CCDC85A: variants seen among roughly 807,000 people sequenced by gnomAD.
The protein encoded by CCDC85A is coiled-coil domain containing 85A.
A neutral mutation model predicts 50.2 loss-of-function variants in CCDC85A; 38 were observed. The ratio of observed to expected loss-of-function variants is 0.76; its 90% CI spans 0.58 to 0.99. The LOEUF (loss-of-function observed/expected upper bound fraction) is 0.99. Ranked by LOEUF, CCDC85A falls within the 50% of genes least tolerant of loss-of-function variation. The pLI is 0.00. For missense variants in CCDC85A, 820 were observed against 742.0 expected, an observed-to-expected ratio of 1.11 and a Z score of -1.22; for synonymous variants, 366 against 301.4, an observed-to-expected ratio of 1.21 and a Z score of -2.22.
chr2:56,371,739 C>T (rs1676083306), intron 3 of CCDC85A, among the ~76,000 whole-genome samples: 1 of 151,914 alleles, frequency 6.6e-6, no homozygotes, highest in Admixed American at 6.6e-5. Flanking sequence ...ATTTAGTTAA[C>T]TTATGAATAC....
intron 2 of CCDC85A, among the ~76,000 whole-genome samples, chr2:56,332,072 G>A (rs1283969454): frequency 6.6e-6 from 1 of 152,192 alleles, no homozygotes; most frequent in African/African-American, 2.4e-5. Flanking sequence ...GGGTGGGATG[G>A]GAGGTGGGGT....
At chr2:56,373,450 A>G (rs1443958970) in intron 4 of CCDC85A, among the ~76,000 whole-genome samples, 1 of 152,202 alleles carries the variant, frequency 6.6e-6, no homozygotes, top group East Asian at 1.9e-4. Context: ...AAACAATGGA[A>G]AATGGCTCAG....
At chr2:56,384,116 T>G in intron 5 of CCDC85A, 150 bp from the exon 6 acceptor site, 1 of 672,114 alleles carries the variant, frequency 1.5e-6, no homozygotes, top group Non-Finnish European at 2.5e-6. Context: ...TGTCATCACA[T>G]TTTATTTTGT....
intron 2 of CCDC85A, among the ~76,000 whole-genome samples, chr2:56,222,367 A>T (rs1258157377): frequency 6.6e-6 from 1 of 152,174 alleles, no homozygotes; most frequent in Non-Finnish European, 1.5e-5. Context: ...ATTAAAAATG[A>T]CTTCCAACTT....
At chr2:56,291,322 AGGCACTGTGCTG>A (rs1671694395) in intron 2 of CCDC85A, among the ~76,000 whole-genome samples, 1 of 152,330 alleles carries the variant, frequency 6.6e-6, no homozygotes, top group Admixed American at 6.5e-5. Context: ...ATTAGGAGAC[AGGCACTGTGCTG>A]GGCACTGGGG....
At chr2:56,194,552 A>C (rs1002260741) in intron 2 of CCDC85A, among the ~76,000 whole-genome samples, 5 of 152,232 alleles carry the variant, frequency 3.3e-5, no homozygotes, top group Admixed American at 6.5e-5. Context: ...CAGTTTTAGC[A>C]GTGACAAGAA....
intron 3 of CCDC85A, among the ~76,000 whole-genome samples, chr2:56,351,230 A>G (rs1369356190): frequency 6.6e-6 from 1 of 151,934 alleles, no homozygotes; most frequent in Non-Finnish European, 1.5e-5. Context: ...TATATGCCAC[A>G]TTTTCTTAAT....
intron 2 of CCDC85A, among the ~76,000 whole-genome samples, chr2:56,321,208 G>A (rs2104260324): frequency 6.6e-6 from 1 of 152,198 alleles, no homozygotes. Context: ...AAAACTGGAA[G>A]CATTCCCTTT....
intron 2 of CCDC85A, among the ~76,000 whole-genome samples, chr2:56,278,230 T>G (rs1278845553): frequency 6.6e-6 from 1 of 152,184 alleles, no homozygotes; most frequent in East Asian, 1.9e-4. Flanking sequence ...CCCTTTTTAA[T>G]GAATAAAATC....
intron 2 of CCDC85A, among the ~76,000 whole-genome samples, chr2:56,206,657 A>G (rs1450586384): frequency 2.0e-5 from 3 of 152,158 alleles, no homozygotes; most frequent in Admixed American, 1.3e-4. Flanking sequence ...TCATGACCTA[A>G]TCATCTCTTA....
chr2:56,294,848 A>G (rs776382836), intron 2 of CCDC85A, among the ~76,000 whole-genome samples: 1 of 152,240 alleles, frequency 6.6e-6, no homozygotes, highest in Non-Finnish European at 1.5e-5. Context: ...GCAAAGTAGT[A>G]CATGGTAACT....
intron 2 of CCDC85A, among the ~76,000 whole-genome samples, chr2:56,313,456 T>G (rs1479852612): frequency 6.6e-6 from 1 of 152,094 alleles, no homozygotes; most frequent in Non-Finnish European, 1.5e-5. Flanking sequence ...TACCTTCATT[T>G]GTTTCATTCT....
intron 5 of CCDC85A, chr2:56,379,668 A>C (rs1432030822): frequency 3.6e-6 from 1 of 274,258 alleles, no homozygotes; most frequent in African/African-American, 2.3e-5. Flanking sequence ...AGGTTTTACA[A>C]AGTGGAGCTC....
intron 1 of CCDC85A, among the ~76,000 whole-genome samples, chr2:56,185,434 G>A (rs1297079559): frequency 1.3e-5 from 2 of 152,116 alleles, no homozygotes; most frequent in South Asian, 4.1e-4. Flanking sequence ...GTGTCACCGG[G>A]TACATAGGAG....
chr2:56,312,691 C>T (rs13421898), intron 2 of CCDC85A, among the ~76,000 whole-genome samples: 7,416 of 152,140 alleles, frequency 0.049, 612 homozygotes, highest in African/African-American at 0.17. Context: ...GGTTTTTGAA[C>T]ATCTACTTTA....
chr2:56,187,727 A>G (rs528185302), intron 1 of CCDC85A, among the ~76,000 whole-genome samples: 6 of 152,336 alleles, frequency 3.9e-5, no homozygotes, highest in Admixed American at 6.5e-5. Context: ...GCTAGTTGAC[A>G]TTCTTTGCTT....
chr2:56,353,561 A>G (rs948749629), intron 3 of CCDC85A, among the ~76,000 whole-genome samples: 1 of 152,190 alleles, frequency 6.6e-6, no homozygotes, highest in Non-Finnish European at 1.5e-5. Context: ...ATGAAGGGCT[A>G]TTTATTCAAG....
intron 3 of CCDC85A, among the ~76,000 whole-genome samples, chr2:56,361,548 G>C (rs531169523): frequency 1.1e-4 from 16 of 152,288 alleles, no homozygotes; most frequent in Non-Finnish European, 1.3e-4. Flanking sequence ...AGAATGACTA[G>C]AGTACGATAA....
chr2:56,355,438 C>T (rs1039355497), intron 3 of CCDC85A, among the ~76,000 whole-genome samples: 3 of 152,068 alleles, frequency 2.0e-5, no homozygotes, highest in Non-Finnish European at 2.9e-5. Context: ...AACTCTTTGT[C>T]CTCAAACTTC....
Sources: gnomAD v4.1 joint callset for allele counts (sites outside exome capture counted in the v4.1 genomes callset) on GRCh38, gnomAD v4.1.1 for gene constraint, MANE v1.5 for transcripts, NCBI Gene and HGNC (gene_info 2026-07-23, HGNC 2026-07-21) for gene names.